The following PTPDC1 variants were observed in gnomAD, a reference collection of about 807,000 sequenced individuals.
The protein encoded by PTPDC1 is protein tyrosine phosphatase domain containing 1.
Under a neutral mutation model 75.3 loss-of-function variants are expected in PTPDC1, and 53 were observed. That is an observed-to-expected ratio of 0.70 (90% CI 0.56 to 0.88). The LOEUF (loss-of-function observed/expected upper bound fraction) is 0.88, where lower values mean the gene tolerates loss of function less well. Among genes scored for constraint, PTPDC1 ranks in the 40% least tolerant of loss-of-function variants. The pLI, the probability that PTPDC1 is intolerant of heterozygous loss-of-function variation, is 0.00. For synonymous variants in PTPDC1, 349 were observed against 366.2 expected (o/e 0.95, Z 0.54); for missense variants, 925 against 998.6 (o/e 0.93, Z 0.99).
chr9:94,050,646 G>A (rs1825760635), intron 1 of PTPDC1, among the ~76,000 whole-genome samples: 1 of 152,200 alleles, frequency 6.6e-6, no homozygotes, highest in Admixed American at 6.5e-5. Flanking sequence ...TCCCAGTTAG[G>A]CTACTCAGGG....
At position 94,109,844 on chromosome 9, in the gene PTPDC1, G is replaced by C. The variant is rs895764111; in HGVS notation, c.*1900G>C. The C allele has an allele frequency of 2.0e-5, 3 of 152,174 alleles. No individual in the cohort carries two copies. The highest frequency in any genetic ancestry group is 7.2e-5 in the African/African-American group (3 of 41,436). 9.4% of individuals were successfully genotyped at this position (152,174 alleles called of 1,614,324 possible). ...GTATTTATTTGAATAAAAATAAAAA[G>C]AGCAACCCATAATCCTAGTCCTGTA... On this transcript the variant is annotated 3_prime_UTR_variant, in exon 9 of 9. Transcript: ENST00000620992.
intron 1 of PTPDC1, among the ~76,000 whole-genome samples, chr9:94,031,937 G>A (rs1829735951): frequency 6.6e-6 from 1 of 152,154 alleles, no homozygotes; most frequent in Non-Finnish European, 1.5e-5. Context: ...TCTTATAAAT[G>A]TTCCATGCCA....
At chr9:94,045,990 A>G (rs1351889693) in intron 1 of PTPDC1, among the ~76,000 whole-genome samples, 6 of 152,222 alleles carry the variant, frequency 3.9e-5, no homozygotes, top group Non-Finnish European at 8.8e-5. Flanking sequence ...CTAACATTTA[A>G]GTCTTTAATC....
intron 2 of PTPDC1, among the ~76,000 whole-genome samples, chr9:94,076,064 A>C (rs989505193): frequency 5.9e-5 from 9 of 152,048 alleles, no homozygotes; most frequent in Non-Finnish European, 1.3e-4. Flanking sequence ...CAGTGGCATG[A>C]TCTTGGCTCA....
rs145697888 is a variant in PTPDC1, at chr9:94,098,015, C to T, written c.1449C>T (p.Leu483=). ...GCCACAAGCCCAGGCAGCAGAAGCT[C>T]ATAAGCCATTGTTACATCCCACAGT... ...LVGHKPRQQK[L]ISHCYIPQSP... is the part of the protein sequence containing the mutation. The change falls in exon 6 of 9, where the codon CTC becomes CTT. Residue 483 remains leucine, a synonymous_variant. Transcript: ENST00000620992. 5.6e-6 allele frequency: 9 copies of T among 1,614,056 alleles called. No homozygotes were observed. Among genetic ancestry groups the T allele is most frequent in the South Asian group, 2.2e-5 (2 of 91,068 alleles).
intron 7 of PTPDC1, among the ~76,000 whole-genome samples, chr9:94,103,725 A>T (rs2118097342): frequency 6.6e-6 from 1 of 152,330 alleles, no homozygotes; most frequent in African/African-American, 2.4e-5. Flanking sequence ...CCAGGAGTCA[A>T]GTCAGTGGAC....
chr9:94,099,185 T>C (rs1018112971), intron 6 of PTPDC1, among the ~76,000 whole-genome samples: 2 of 152,238 alleles, frequency 1.3e-5, no homozygotes, highest in African/African-American at 4.8e-5. Flanking sequence ...ATTTCTTAGC[T>C]TTTACTTCAA....
intron 1 of PTPDC1, among the ~76,000 whole-genome samples, chr9:94,058,538 A>T (rs989067439): frequency 7.6e-6 from 1 of 132,016 alleles, no homozygotes; most frequent in Non-Finnish European, 1.5e-5. Flanking sequence ...ATCTCTACTG[A>T]AAAAAAAAAA....
chr9:94,042,809 G>A (rs760686022), intron 1 of PTPDC1, among the ~76,000 whole-genome samples: 1 of 152,180 alleles, frequency 6.6e-6, no homozygotes, highest in African/African-American at 2.4e-5. Context: ...CAAAACTGGA[G>A]TCAGTCCTCT....
chr9:94,032,492 A>G (rs1829747144), intron 1 of PTPDC1, among the ~76,000 whole-genome samples: 1 of 152,188 alleles, frequency 6.6e-6, no homozygotes, highest in Non-Finnish European at 1.5e-5. Flanking sequence ...TGACCATTCA[A>G]GCTTTGGAAG....
At chr9:94,097,185 A>C in intron 5 of PTPDC1, 136 bp from the exon 6 acceptor site, 1 of 658,312 alleles carries the variant, frequency 1.5e-6, no homozygotes, top group Non-Finnish European at 2.6e-6. Flanking sequence ...TTATCATCAT[A>C]ATTGTCCTTA....
At chr9:94,046,771 T>C (rs1239676995) in intron 1 of PTPDC1, among the ~76,000 whole-genome samples, 2 of 152,202 alleles carry the variant, frequency 1.3e-5, no homozygotes, top group African/African-American at 2.4e-5. Context: ...TTTCTAGATA[T>C]ACAATCATGT....
chr9:94,101,803 T>G, intron 7 of PTPDC1, 52 bp downstream of exon 7: 1 of 1,015,198 alleles, frequency 9.9e-7, no homozygotes, highest in South Asian at 2.3e-5. Flanking sequence ...CCTTAGTTTT[T>G]CACGCAGAAA....
intron 1 of PTPDC1, among the ~76,000 whole-genome samples, chr9:94,049,764 T>C (rs1449407520): frequency 6.6e-6 from 1 of 152,206 alleles, no homozygotes; most frequent in Non-Finnish European, 1.5e-5. Context: ...TTGGCCTGCC[T>C]TGCTAGATTG....
At chr9:94,070,896 G>A (rs895094400) in intron 2 of PTPDC1, among the ~76,000 whole-genome samples, 2 of 152,132 alleles carry the variant, frequency 1.3e-5, no homozygotes, top group Non-Finnish European at 2.9e-5. Flanking sequence ...GTACCACAGT[G>A]TGTTTATCAG....
chr9:94,088,574 C>A (rs947526187), intron 4 of PTPDC1, among the ~76,000 whole-genome samples: 3 of 152,124 alleles, frequency 2.0e-5, no homozygotes, highest in African/African-American at 7.2e-5. Context: ...ATTATTATTT[C>A]TGTTTTACAT....
chr9:94,053,398 T>C (rs990648399), intron 1 of PTPDC1, among the ~76,000 whole-genome samples: 3 of 152,188 alleles, frequency 2.0e-5, no homozygotes, highest in Non-Finnish European at 4.4e-5. Context: ...TTTTTTAGGT[T>C]ATAAATTCAG....
intron 2 of PTPDC1, among the ~76,000 whole-genome samples, chr9:94,072,351 T>C (rs1473699291): frequency 6.6e-6 from 1 of 152,142 alleles, no homozygotes; most frequent in African/African-American, 2.4e-5. Context: ...TTTTTGTTTG[T>C]GTATAGAAAT....
At chr9:94,086,386 C>G (rs1462124514) in intron 2 of PTPDC1, among the ~76,000 whole-genome samples, 2 of 152,194 alleles carry the variant, frequency 1.3e-5, no homozygotes, top group Non-Finnish European at 2.9e-5. Flanking sequence ...GAGTCTTTTT[C>G]ACCTCTGCTG....
Sources: gnomAD v4.1 joint callset for allele counts (sites outside exome capture counted in the v4.1 genomes callset) on GRCh38, gnomAD v4.1.1 for gene constraint, MANE v1.5 for transcripts, NCBI Gene and HGNC (gene_info 2026-07-23, HGNC 2026-07-21) for gene names.